CACHD1: variants seen among roughly 807,000 people sequenced by gnomAD.
CACHD1 encodes VWFA and cache domain-containing protein 1.
CACHD1 carries 71 observed loss-of-function variants against 138.7 expected under a neutral mutation model. The observed-to-expected ratio is 0.51, with a 90% CI of 0.42 to 0.62. The LOEUF is 0.62. CACHD1 is among the 20% of genes least tolerant of loss of function. The probability of loss-of-function intolerance (pLI) is 0.00; values close to 1 mark genes in which losing one functional copy is unlikely to be tolerated. For missense variants in CACHD1, 1,389 were observed against 1,625.3 expected (o/e 0.85, Z 2.50); for synonymous variants, 578 against 591.5 (o/e 0.98, Z 0.33).
chr1:64,490,170 GC>G (rs1383557212), intron 1 of CACHD1, among the ~76,000 whole-genome samples: 2 of 152,188 alleles, frequency 1.3e-5, no homozygotes, highest in African/African-American at 4.8e-5. Context: ...CTGTCACTAA[GC>G]ATTTTCAGCA....
chr1:64,628,453 A>G (rs1261541490), intron 4 of CACHD1, among the ~76,000 whole-genome samples: 2 of 152,226 alleles, frequency 1.3e-5, no homozygotes, highest in Non-Finnish European at 2.9e-5. Flanking sequence ...GGAGCAGAAC[A>G]AAAGATCCTA....
chr1:64,691,526 G>T lies in CACHD1; in HGVS notation c.3790G>T (p.Ala1264Ser), dbSNP rs1650557249. The change falls in exon 27 of 27, where the codon GCC (alanine) becomes TCC (serine). Residue 1264 changes from alanine (A) to serine (S), a missense_variant. By Grantham distance (99) the Ala-to-Ser change is moderately conservative (BLOSUM62 1). Transcript: ENST00000651257. The part of the protein sequence containing the change: ...TLHHSHHLQA[A>S]VTVHTVDAEC ...TCATCATAGCCACCACTTACAGGCGGCCGTCACGGTACACACTGTCGATGC... is the reference window on the plus strand; with the variant it reads ...TCATCATAGCCACCACTTACAGGCGTCCGTCACGGTACACACTGTCGATGC... 1 of 1,614,020 alleles carries T rather than the reference G, an allele frequency of 6.2e-7. No individual in the cohort carries two copies. The highest frequency in any genetic ancestry group is 1.1e-5 in the South Asian group (1 of 91,072).
chr1:64,545,853 C>T (rs1646714339), intron 1 of CACHD1, among the ~76,000 whole-genome samples: 7 of 152,128 alleles, frequency 4.6e-5, no homozygotes, highest in Admixed American at 4.6e-4. Context: ...GCTTGGTTAC[C>T]ATGCACATAA....
intron 26 of CACHD1, among the ~76,000 whole-genome samples, chr1:64,685,142 G>T (rs1172638970): frequency 2.0e-5 from 3 of 152,028 alleles, no homozygotes; most frequent in African/African-American, 4.8e-5. Flanking sequence ...CTTTTATACG[G>T]TATTTTTCTG....
intron 1 of CACHD1, among the ~76,000 whole-genome samples, chr1:64,480,928 T>A (rs1646207494): frequency 6.6e-6 from 1 of 151,892 alleles, no homozygotes; most frequent in South Asian, 2.1e-4. Flanking sequence ...GATTACTACT[T>A]TGGAGGAATC....
At position 64,678,240 on chromosome 1, in the gene CACHD1, C is replaced by T. The variant is rs758225977; in HGVS notation, c.3174C>T (p.Ala1058=). 5 of 1,611,436 alleles carry T rather than the reference C, an allele frequency of 3.1e-6. No homozygotes were observed. Among genetic ancestry groups the T allele is most frequent in the East Asian group, 2.2e-5 (1 of 44,716 alleles). ...GKTHLDKPYC[A]PQKECFGGIV... The stretch of plus-strand genomic sequence containing the variant: ...CTCACCTGGACAAACCCTACTGTGC[C>T]CCCCAGAAAGAATGCTTCGGGGGGA... The change falls in exon 23 of 27, where the codon GCC becomes GCT. Residue 1058 remains alanine, a synonymous_variant. Transcript: ENST00000651257.
chr1:64,527,798 G>A (rs1646552569), intron 1 of CACHD1, among the ~76,000 whole-genome samples: 1 of 152,172 alleles, frequency 6.6e-6, no homozygotes, highest in Non-Finnish European at 1.5e-5. Context: ...CTGATTGCCA[G>A]TACTGTGATC....
At chr1:64,579,150 T>A (rs1305073614) in intron 2 of CACHD1, among the ~76,000 whole-genome samples, 1 of 152,206 alleles carries the variant, frequency 6.6e-6, no homozygotes, top group Non-Finnish European at 1.5e-5. Flanking sequence ...AAACAAATGA[T>A]CATGTTCCAA....
At chr1:64,480,886 C>CTTTTTTTTT (rs530847374) in intron 1 of CACHD1, among the ~76,000 whole-genome samples, 1 of 140,588 alleles carries the variant, frequency 7.1e-6, no homozygotes. Context: ...CTCTCTCTCC[C>CTTTTTTTTT]TTTTTTTTTT....
At chr1:64,510,841 A>T (rs1646414939) in intron 1 of CACHD1, among the ~76,000 whole-genome samples, 1 of 152,186 alleles carries the variant, frequency 6.6e-6, no homozygotes, top group Admixed American at 6.5e-5. Flanking sequence ...AAGATGTTGC[A>T]TATTGGAGTG....
chr1:64,535,328 T>G (rs1646623159), intron 1 of CACHD1, among the ~76,000 whole-genome samples: 1 of 92,574 alleles, frequency 1.1e-5, no homozygotes, highest in African/African-American at 9.0e-5. Context: ...ATTTGGAGGG[T>G]TTTTTTTTTT....
At chr1:64,500,568 T>C (rs1334089844) in intron 1 of CACHD1, among the ~76,000 whole-genome samples, 2 of 151,986 alleles carry the variant, frequency 1.3e-5, no homozygotes, top group Non-Finnish European at 2.9e-5. Flanking sequence ...ATTAACCTAC[T>C]GCGGCCGGGC....
intron 1 of CACHD1, among the ~76,000 whole-genome samples, chr1:64,486,928 C>T (rs1356349230): frequency 6.6e-6 from 1 of 152,114 alleles, no homozygotes; most frequent in African/African-American, 2.4e-5. Context: ...AAGAAGGCTT[C>T]TTGGGGGTGC....
At chr1:64,474,393 C>T (rs1421913309) in intron 1 of CACHD1, among the ~76,000 whole-genome samples, 1 of 152,020 alleles carries the variant, frequency 6.6e-6, no homozygotes, top group Non-Finnish European at 1.5e-5. Context: ...CCAGCTCTGC[C>T]ATTTGCAAGT....
intron 1 of CACHD1, among the ~76,000 whole-genome samples, chr1:64,495,757 C>G (rs1646302726): frequency 6.6e-6 from 1 of 151,868 alleles, no homozygotes; most frequent in Admixed American, 6.6e-5. Context: ...GCCCTAGCAC[C>G]AAAGTCCTCA....
At chr1:64,654,871 T>A in intron 12 of CACHD1, 68 bp downstream of exon 12, 1 of 1,204,138 alleles carries the variant, frequency 8.3e-7, no homozygotes, top group Non-Finnish European at 1.2e-6. Flanking sequence ...ATGTTGGAAT[T>A]CTCAGCCAGG....
intron 2 of CACHD1, among the ~76,000 whole-genome samples, chr1:64,577,007 G>A (rs1018647548): frequency 2.8e-4 from 43 of 151,884 alleles, no homozygotes; most frequent in Admixed American, 1.4e-3. Context: ...GCAGTGGCAC[G>A]ATCAAGGCTC....
chr1:64,687,192 G>A (rs1229697708), intron 26 of CACHD1, among the ~76,000 whole-genome samples: 5 of 152,100 alleles, frequency 3.3e-5, no homozygotes, highest in African/African-American at 1.2e-4. Flanking sequence ...CAAATAGTGC[G>A]TCTTCCTCCA....
intron 4 of CACHD1, chr1:64,613,544 G>C (rs1248013058): frequency 6.6e-6 from 1 of 152,098 alleles, no homozygotes; most frequent in African/African-American, 2.4e-5. Flanking sequence ...TAAAAGTCAG[G>C]CTCTCATTGC....
Sources: allele counts gnomAD v4.1 joint callset (sites outside exome capture counted in the v4.1 genomes callset), GRCh38; gene constraint gnomAD v4.1.1; transcripts MANE v1.5; gene names NCBI Gene and HGNC (gene_info 2026-07-23, HGNC 2026-07-21).